Variants in CD247 observed in about 807,000 individuals in gnomAD.
CD247 encodes CD247 molecule.
In CD247, 13 loss-of-function variants were observed where a neutral mutation model predicts 30.0. That is an observed-to-expected ratio of 0.43 (90% CI 0.28 to 0.69). The LOEUF is 0.69. Among genes scored for constraint, CD247 ranks in the 30% least tolerant of loss-of-function variants. The pLI is 0.16. For synonymous variants in CD247, 72 were observed against 80.0 expected, an observed-to-expected ratio of 0.90 and a Z score of 0.53; for missense variants, 193 against 212.6, an observed-to-expected ratio of 0.91 and a Z score of 0.57.
At chr1:167,517,945 T>G (rs1423314825) in intron 1 of CD247, among the ~76,000 whole-genome samples, 1 of 152,264 alleles carries the variant, frequency 6.6e-6, no homozygotes, top group African/African-American at 2.4e-5. Context: ...CAAAATCTTC[T>G]TTGTTGGCAA....
chr1:167,501,138 TCCG>T (rs1654889523), intron 1 of CD247, among the ~76,000 whole-genome samples: 1 of 140,592 alleles, frequency 7.1e-6, no homozygotes, highest in East Asian at 2.3e-4. Context: ...CACCACAACC[TCCG>T]CCTCCCGGGT....
intron 1 of CD247, among the ~76,000 whole-genome samples, chr1:167,510,241 A>G (rs1390710506): frequency 6.6e-6 from 1 of 152,168 alleles, no homozygotes; most frequent in Non-Finnish European, 1.5e-5. Context: ...GCACACATCC[A>G]TCAGCATACA....
chr1:167,510,017 T>C (rs577289465), intron 1 of CD247, among the ~76,000 whole-genome samples: 1 of 152,240 alleles, frequency 6.6e-6, no homozygotes, highest in Non-Finnish European at 1.5e-5. Flanking sequence ...TTTTCTTGTC[T>C]CCCTTCTCCA....
In CD247 at chr1:167,471,938, T is replaced by A. The variant is rs181627614; in HGVS notation, c.59-31171A>T. ...ACTTCTGCCTCCTGGATTCAAGCAATTCTCCTGCCTCAGCCTCCTGAGTAG... is the reference window on the plus strand; with the variant it reads ...ACTTCTGCCTCCTGGATTCAAGCAAATCTCCTGCCTCAGCCTCCTGAGTAG... On this transcript the variant is annotated intron_variant, in intron 1 of 7. Transcript: ENST00000362089. Among the ~76,000 whole-genome samples the A allele has an allele frequency of 2.7e-5, 4 of 148,664 alleles. No homozygotes were observed. The East Asian group carries it at 6.1e-4, about 23-fold the overall frequency.
intron 1 of CD247, among the ~76,000 whole-genome samples, chr1:167,486,063 T>C (rs1026683727): frequency 1.3e-5 from 2 of 152,134 alleles, no homozygotes; most frequent in South Asian, 2.1e-4. Context: ...CACACCACCA[T>C]GCTCCGAGGG....
intron 1 of CD247, among the ~76,000 whole-genome samples, chr1:167,459,348 CTTTTTTTTTTTT>C (rs34706916): frequency 1.2e-5 from 1 of 80,416 alleles, no homozygotes; most frequent in South Asian, 4.8e-4. Flanking sequence ...CCTTACAACT[CTTTTTTTTTTTT>C]TTTTTTTTTT....
At chr1:167,492,632 C>T (rs939749901) in intron 1 of CD247, among the ~76,000 whole-genome samples, 1 of 152,182 alleles carries the variant, frequency 6.6e-6, no homozygotes, top group Non-Finnish European at 1.5e-5. Context: ...ACCTCCCAAG[C>T]CCCCATTAGC....
intron 1 of CD247, among the ~76,000 whole-genome samples, chr1:167,470,135 A>C (rs1456835233): frequency 6.6e-6 from 1 of 151,986 alleles, no homozygotes; most frequent in East Asian, 1.9e-4. Context: ...GTTGGTCTTG[A>C]ACTCCTGACC....
intron 1 of CD247, chr1:167,458,392 G>A (rs1182478965): frequency 6.6e-6 from 1 of 152,356 alleles, no homozygotes; most frequent in East Asian, 1.9e-4. Flanking sequence ...ATGTGACTCA[G>A]GCCTAGCCCC....
In CD247 at chr1:167,465,142, T is replaced by A. The variant is rs74822667; in HGVS notation, c.59-24375A>T. Among the ~76,000 whole-genome samples, 1,167 of 152,182 alleles carry A rather than the reference T, an allele frequency of 7.7e-3. 16 individuals are homozygous for A. The highest frequency in any genetic ancestry group is 0.027 in the African/African-American group (1,107 of 41,508). On this transcript the variant is annotated intron_variant, in intron 1 of 7. Coordinates refer to ENST00000362089, the MANE Select transcript of CD247 (RefSeq NM_198053.3). The stretch of plus-strand genomic sequence containing the variant: ...CCTCCTTTCTTCTCCTTCAGAGACC[T>A]ATCCAGACAGAGAATCATGTGTTTA...
intron 1 of CD247, among the ~76,000 whole-genome samples, chr1:167,482,383 G>A (rs939551500): frequency 2.0e-5 from 3 of 152,262 alleles, no homozygotes; most frequent in African/African-American, 4.8e-5. Flanking sequence ...GAGAGTCAAG[G>A]CAGCTTCTTC....
chr1:167,467,215 T>C (rs1054158974), intron 1 of CD247, among the ~76,000 whole-genome samples: 4 of 151,158 alleles, frequency 2.6e-5, no homozygotes, highest in African/African-American at 7.3e-5. Context: ...CGGTGCACTT[T>C]TAAAATTTAT....
At chr1:167,441,243 T>C (rs1209653772) in intron 1 of CD247, among the ~76,000 whole-genome samples, 1 of 152,200 alleles carries the variant, frequency 6.6e-6, no homozygotes, top group African/African-American at 2.4e-5. Context: ...CATTTCAATA[T>C]CTGACAGTTA....
chr1:167,509,462 G>A (rs1051784903), intron 1 of CD247, among the ~76,000 whole-genome samples: 1 of 151,660 alleles, frequency 6.6e-6, no homozygotes, highest in African/African-American at 2.4e-5. Flanking sequence ...CCACCTTATT[G>A]GATTGTTTGC....
intron 1 of CD247, among the ~76,000 whole-genome samples, chr1:167,479,386 G>T (rs1345268105): frequency 6.6e-6 from 1 of 152,164 alleles, no homozygotes; most frequent in Non-Finnish European, 1.5e-5. Context: ...TTTAAAAAAG[G>T]AGTTCAGTCC....
chr1:167,440,411 T>C, intron 2 of CD247: 1 of 557,320 alleles, frequency 1.8e-6, no homozygotes, highest in Non-Finnish European at 3.2e-6. Flanking sequence ...CACTCTGATG[T>C]GCACACATTT....
At chr1:167,493,257 G>A (rs1654533028) in intron 1 of CD247, among the ~76,000 whole-genome samples, 1 of 151,914 alleles carries the variant, frequency 6.6e-6, no homozygotes, top group Non-Finnish European at 1.5e-5. Flanking sequence ...TACCCAGGCT[G>A]GTCTCGAACT....
intron 2 of CD247, chr1:167,440,050 A>C (rs1651747315): frequency 1.2e-5 from 2 of 164,876 alleles, no homozygotes; most frequent in Non-Finnish European, 2.7e-5. Flanking sequence ...TTTCAAACTT[A>C]AAACAAGAAA....
At chr1:167,468,632 A>C (rs1653373529) in intron 1 of CD247, among the ~76,000 whole-genome samples, 1 of 152,210 alleles carries the variant, frequency 6.6e-6, no homozygotes, top group Non-Finnish European at 1.5e-5. Flanking sequence ...AGCTCAGGTC[A>C]CCTGGCTCAT....
Sources: gnomAD v4.1 joint callset for allele counts (sites outside exome capture counted in the v4.1 genomes callset) on GRCh38, gnomAD v4.1.1 for gene constraint, MANE v1.5 for transcripts, NCBI Gene and HGNC (gene_info 2026-07-23, HGNC 2026-07-21) for gene names.